NRXN1: variants seen among roughly 807,000 people sequenced by gnomAD.
NRXN1 encodes neurexin 1.
A neutral mutation model predicts 150.9 loss-of-function variants in NRXN1; 39 were observed. The ratio of observed to expected loss-of-function variants is 0.26; its 90% CI spans 0.20 to 0.34. The LOEUF (loss-of-function observed/expected upper bound fraction) is 0.34, where lower values mean the gene tolerates loss of function less well. NRXN1 is among the 10% of genes least tolerant of loss of function. The probability of loss-of-function intolerance (pLI) is 1.00; values close to 1 mark genes in which losing one functional copy is unlikely to be tolerated. For synonymous variants in NRXN1, 924 were observed against 757.0 expected (o/e 1.22, Z -3.62); for missense variants, 1,815 against 1,949.9 (o/e 0.93, Z 1.30).
chr2:50,185,140 C>A (rs1165295480), intron 18 of NRXN1, among the ~76,000 whole-genome samples: 1 of 152,084 alleles, frequency 6.6e-6, no homozygotes, highest in South Asian at 2.1e-4. Flanking sequence ...ACCAGCTAAT[C>A]CATCCATGGA....
At chr2:50,484,654 A>G (rs1478245044) in intron 15 of NRXN1, among the ~76,000 whole-genome samples, 2 of 152,218 alleles carry the variant, frequency 1.3e-5, no homozygotes, top group African/African-American at 4.8e-5. Context: ...GAATATATAT[A>G]AAGGACACAC....
intron 5 of NRXN1, among the ~76,000 whole-genome samples, chr2:50,724,223 T>A (rs1697030600): frequency 6.6e-6 from 1 of 152,038 alleles, no homozygotes; most frequent in African/African-American, 2.4e-5. Flanking sequence ...AAAAAATGAG[T>A]GTTAATAGCA....
intron 17 of NRXN1, among the ~76,000 whole-genome samples, chr2:50,447,737 T>TTA (rs70948710): frequency 0.058 from 2,153 of 37,116 alleles, 119 homozygotes; most frequent in Non-Finnish European, 0.076. Context: ...CAGGGGAACG[T>TTA]TATATATATA....
At chr2:50,091,064 T>C (rs1699488269) in intron 19 of NRXN1, among the ~76,000 whole-genome samples, 1 of 152,248 alleles carries the variant, frequency 6.6e-6, no homozygotes, top group East Asian at 1.9e-4. Context: ...GCTTTTTATG[T>C]GTGCATTTTT....
rs374017861 is a variant in NRXN1, at chr2:50,568,264, G to A, written c.1321-15239C>T. On this transcript the variant is annotated intron_variant, in intron 8 of 22. Coordinates refer to ENST00000401669, the MANE Select transcript of NRXN1 (RefSeq NM_001330078.2). Reference sequence around the variant, plus strand: ...ATTTCTTGAATAATACCCCATAAACGTAGGCAACCAAAGCAAAAATGGACA... The same window carrying A: ...ATTTCTTGAATAATACCCCATAAACATAGGCAACCAAAGCAAAAATGGACA... 2.0e-4 allele frequency among the ~76,000 whole-genome samples: 31 copies of A among 152,054 alleles called. No individual in the cohort carries two copies. In the East Asian group the frequency reaches 3.1e-3, roughly 15 times the overall value.
chr2:50,593,739 T>C (rs921789095), intron 8 of NRXN1, among the ~76,000 whole-genome samples: 1 of 152,184 alleles, frequency 6.6e-6, no homozygotes, highest in African/African-American at 2.4e-5. Context: ...GTTTTAAAGA[T>C]TAAACAAGTG....
intron 8 of NRXN1, among the ~76,000 whole-genome samples, chr2:50,575,978 A>C (rs1365317660): frequency 6.6e-6 from 1 of 152,126 alleles, no homozygotes; most frequent in East Asian, 1.9e-4. Context: ...ACCTTGCTTA[A>C]AGCCAACCTA....
chr2:50,249,887 C>T (rs533209142), intron 17 of NRXN1, among the ~76,000 whole-genome samples: 32 of 152,270 alleles, frequency 2.1e-4, no homozygotes, highest in African/African-American at 7.5e-4. Context: ...ATCCGCCCGT[C>T]TTGGCCACCC....
At chr2:50,673,541 G>A (rs1004727688) in intron 5 of NRXN1, among the ~76,000 whole-genome samples, 4 of 152,046 alleles carry the variant, frequency 2.6e-5, no homozygotes, top group African/African-American at 7.2e-5. Context: ...CATAAAAGAT[G>A]TTTACATTTA....
At chr2:50,999,436 G>T (rs72874554) in intron 2 of NRXN1, among the ~76,000 whole-genome samples, 4,022 of 151,956 alleles carry the variant, frequency 0.026, 206 homozygotes, top group African/African-American at 0.092. Flanking sequence ...AGGAGTAAAA[G>T]GGAAAAGGAG....
intron 21 of NRXN1, among the ~76,000 whole-genome samples, chr2:50,019,079 T>A (rs764935946): frequency 6.6e-6 from 1 of 152,198 alleles, no homozygotes; most frequent in Non-Finnish European, 1.5e-5. Flanking sequence ...TGACTCTCCC[T>A]GTTTTGCAAA....
chr2:50,583,260 T>C (rs987076245), intron 8 of NRXN1, among the ~76,000 whole-genome samples: 1 of 152,134 alleles, frequency 6.6e-6, no homozygotes, highest in Non-Finnish European at 1.5e-5. Context: ...TAGGCTGGTC[T>C]CAAACTTGTG....
At chr2:50,782,791 T>A (rs1471837551) in intron 5 of NRXN1, among the ~76,000 whole-genome samples, 1 of 152,134 alleles carries the variant, frequency 6.6e-6, no homozygotes, top group Non-Finnish European at 1.5e-5. Flanking sequence ...TAGTGACTCA[T>A]CCTTTTCCAG....
At chr2:50,182,109 T>G (rs1283208853) in intron 18 of NRXN1, among the ~76,000 whole-genome samples, 1 of 63,986 alleles carries the variant, frequency 1.6e-5, no homozygotes, top group Non-Finnish European at 2.9e-5. Flanking sequence ...AAATTCATTA[T>G]CCTTTTTTTT....
chr2:50,522,728 T>G (rs1248157548), intron 12 of NRXN1, among the ~76,000 whole-genome samples: 1 of 105,788 alleles, frequency 9.5e-6, no homozygotes, highest in Non-Finnish European at 1.9e-5. Context: ...TCATTTTTTT[T>G]TTTTTTTTTT....
At chr2:50,714,243 A>G (rs1574212401) in intron 5 of NRXN1, among the ~76,000 whole-genome samples, 1 of 152,152 alleles carries the variant, frequency 6.6e-6, no homozygotes, top group Admixed American at 6.6e-5. Flanking sequence ...TACAATTTGC[A>G]CTTTAATCCT....
chr2:50,183,632 G>A (rs1387836458), intron 18 of NRXN1, among the ~76,000 whole-genome samples: 1 of 150,234 alleles, frequency 6.7e-6, no homozygotes, highest in African/African-American at 2.5e-5. Flanking sequence ...TGGGATATCT[G>A]GCAATATCTA....
chr2:50,368,201 C>A (rs977299526), intron 17 of NRXN1, among the ~76,000 whole-genome samples: 1 of 151,748 alleles, frequency 6.6e-6, no homozygotes, highest in African/African-American at 2.4e-5. Flanking sequence ...TCCAGAGGAC[C>A]CATACAGGAC....
At chr2:50,165,526 T>G (rs532859277) in intron 18 of NRXN1, among the ~76,000 whole-genome samples, 1 of 152,164 alleles carries the variant, frequency 6.6e-6, no homozygotes, top group Admixed American at 6.5e-5. Flanking sequence ...CTTTTGTATT[T>G]TTAGTAGAAA....
Sources: allele counts gnomAD v4.1 joint callset (sites outside exome capture counted in the v4.1 genomes callset), GRCh38; gene constraint gnomAD v4.1.1; transcripts MANE v1.5; gene names NCBI Gene and HGNC (gene_info 2026-07-23, HGNC 2026-07-21).